OCA2: variants seen among roughly 807,000 people sequenced by gnomAD.
OCA2 encodes the protein P protein.
Under a neutral mutation model 100.2 loss-of-function variants are expected in OCA2, and 77 were observed. The ratio of observed to expected loss-of-function variants is 0.77; its 90% CI spans 0.64 to 0.93. The LOEUF is 0.93. OCA2 is among the 40% of genes least tolerant of loss of function. OCA2 has a pLI of 0.00. For synonymous variants in OCA2, 432 were observed against 439.2 expected (o/e 0.98, Z 0.21); for missense variants, 1,062 against 1,089.1 (o/e 0.98, Z 0.35).
At chr15:28,024,795 C>G (rs745860258) in intron 5 of OCA2, 50 bp downstream of exon 5, 1 of 1,601,628 alleles carries the variant, frequency 6.2e-7, no homozygotes, top group South Asian at 1.1e-5. Flanking sequence ...CAAAGGCACA[C>G]AGGGCTTCCA....
intron 23 of OCA2, among the ~76,000 whole-genome samples, chr15:27,821,804 A>C (rs2034519533): frequency 6.6e-6 from 1 of 152,122 alleles, no homozygotes; most frequent in South Asian, 2.1e-4. Context: ...ACACACATAC[A>C]CAGGCACATA....
chr15:27,980,782 C>A (rs2041135901), intron 14 of OCA2, among the ~76,000 whole-genome samples: 1 of 152,112 alleles, frequency 6.6e-6, no homozygotes, highest in Non-Finnish European at 1.5e-5. Context: ...TGTAACATGT[C>A]TTTTTCTTTG....
chr15:28,018,415 C>A lies in OCA2; in HGVS notation c.789G>T (p.Arg263Ser), dbSNP rs766119766. The A allele has an allele frequency of 6.2e-7, 1 of 1,614,148 alleles. No individual in the cohort carries two copies. The highest frequency in any genetic ancestry group is 8.5e-7 in the Non-Finnish European group (1 of 1,180,046). Reference protein sequence around the residue: ...ELTQADALGSRWRRPQQVTHN... With the variant: ...ELTQADALGSSWRRPQQVTHN... Reference sequence around the variant, plus strand: ...GCATAACCTGCTGTGGCCGCCGCCACCTGGAGCCCAAAGCGTCAGCCTGGG... The same window carrying A: ...GCATAACCTGCTGTGGCCGCCGCCAACTGGAGCCCAAAGCGTCAGCCTGGG... Residue 263 changes from arginine (R) to serine (S), a missense_variant, in exon 7 of 24, where the codon AGG (arginine) becomes AGT (serine). Physicochemically the swap from Arg to Ser is moderately radical, Grantham distance 110. Transcript: ENST00000354638.
At chr15:27,836,227 G>C (rs1595490623) in intron 23 of OCA2, among the ~76,000 whole-genome samples, 1 of 152,198 alleles carries the variant, frequency 6.6e-6, no homozygotes, top group African/African-American at 2.4e-5. Flanking sequence ...CAACAGGAGA[G>C]GTTCTTTGAG....
intron 2 of OCA2, among the ~76,000 whole-genome samples, chr15:28,076,753 A>C (rs370768826): frequency 1.9e-4 from 29 of 149,036 alleles, no homozygotes; most frequent in African/African-American, 6.0e-4. Context: ...AGGCTGAGGC[A>C]GGAGAATGGC....
chr15:28,011,758 A>C (rs1464210479), intron 9 of OCA2, among the ~76,000 whole-genome samples: 1 of 152,022 alleles, frequency 6.6e-6, no homozygotes, highest in Non-Finnish European at 1.5e-5. Context: ...TCTACAAAAA[A>C]TACAAAAAAA....
chr15:27,935,231 A>T (rs542952275), intron 18 of OCA2, among the ~76,000 whole-genome samples: 2 of 152,224 alleles, frequency 1.3e-5, no homozygotes, highest in African/African-American at 4.8e-5. Flanking sequence ...ACAGATAAAA[A>T]GTACCATTTA....
intron 12 of OCA2, among the ~76,000 whole-genome samples, chr15:27,985,556 T>TG (rs368578393): frequency 3.9e-4 from 59 of 152,300 alleles, no homozygotes; most frequent in African/African-American, 1.4e-3. Flanking sequence ...TGCTGATCTC[T>TG]GGGGAACTAA....
chr15:27,783,239 TGA>T (rs776556603), intron 23 of OCA2, among the ~76,000 whole-genome samples: 4 of 152,300 alleles, frequency 2.6e-5, no homozygotes, highest in Non-Finnish European at 5.9e-5. Context: ...AAAGCACCTG[TGA>T]AGGTGAATTA....
chr15:27,927,739 G>C (rs2039094064), intron 18 of OCA2, among the ~76,000 whole-genome samples: 1 of 147,710 alleles, frequency 6.8e-6, no homozygotes, highest in African/African-American at 2.5e-5. Context: ...GGATCTTACT[G>C]TGGTTTCCAA....
chr15:27,838,813 G>C (rs1338293694), intron 23 of OCA2, among the ~76,000 whole-genome samples: 2 of 152,150 alleles, frequency 1.3e-5, no homozygotes. Flanking sequence ...AAATGTTAAG[G>C]ATGTAGAACG....
intron 23 of OCA2, among the ~76,000 whole-genome samples, chr15:27,805,673 C>A (rs1287655725): frequency 6.6e-6 from 1 of 152,124 alleles, no homozygotes; most frequent in African/African-American, 2.4e-5. Context: ...GGGACCAGAG[C>A]AGAAATGAGG....
chr15:27,979,710 T>G (rs2041084515), intron 14 of OCA2, among the ~76,000 whole-genome samples: 1 of 151,576 alleles, frequency 6.6e-6, no homozygotes, highest in Non-Finnish European at 1.5e-5. Flanking sequence ...TACTTTTTTT[T>G]TTTTTTTGAG....
chr15:27,803,861 C>T (rs2033715322), intron 23 of OCA2, among the ~76,000 whole-genome samples: 3 of 152,158 alleles, frequency 2.0e-5, no homozygotes, highest in Admixed American at 2.0e-4. Context: ...TGAGAGTTCT[C>T]ATACACTGCT....
intron 2 of OCA2, among the ~76,000 whole-genome samples, chr15:28,033,946 C>T (rs147797274): frequency 3.4e-4 from 52 of 152,148 alleles, no homozygotes; most frequent in African/African-American, 1.2e-3. Flanking sequence ...GAGACGGTGA[C>T]CTCCCTCCCA....
chr15:27,988,840 C>T (rs796810287), intron 11 of OCA2, among the ~76,000 whole-genome samples: 2 of 152,308 alleles, frequency 1.3e-5, no homozygotes, highest in African/African-American at 4.8e-5. Context: ...TCCCTGCGCA[C>T]CACCCACAGA....
chr15:27,778,892 A>G (rs2032391447), intron 23 of OCA2, among the ~76,000 whole-genome samples: 2 of 152,256 alleles, frequency 1.3e-5, no homozygotes, highest in South Asian at 2.1e-4. Context: ...CTTAAGTACT[A>G]TTATACGCTG....
At chr15:27,952,652 A>G (rs1389334725) in intron 17 of OCA2, among the ~76,000 whole-genome samples, 1 of 148,698 alleles carries the variant, frequency 6.7e-6, no homozygotes, top group East Asian at 1.9e-4. Context: ...TCTTTCTTTC[A>G]TTTATTTATT....
downstream of OCA2, among the ~76,000 whole-genome samples, chr15:27,752,320 C>T (rs2030092024): frequency 6.6e-6 from 1 of 152,202 alleles, no homozygotes; most frequent in African/African-American, 2.4e-5. Flanking sequence ...AGCAAAGGCA[C>T]AGCTGGTTTC....
Sources: allele counts gnomAD v4.1 joint callset (sites outside exome capture counted in the v4.1 genomes callset), GRCh38; gene constraint gnomAD v4.1.1; transcripts MANE v1.5; gene names NCBI Gene and HGNC (gene_info 2026-07-23, HGNC 2026-07-21).